TRPV3: variants seen among roughly 807,000 people sequenced by gnomAD.
TRPV3 encodes VRL-3.
A neutral mutation model predicts 87.1 loss-of-function variants in TRPV3; 88 were observed. The observed-to-expected ratio is 1.01, with a 90% confidence interval of 0.85 to 1.21. The LOEUF is 1.21. TRPV3 is among the 50% of genes most tolerant of loss of function. The probability of loss-of-function intolerance (pLI) is 0.00; values close to 1 mark genes in which losing one functional copy is unlikely to be tolerated. For missense variants in TRPV3, 1,054 were observed against 1,030.1 expected (o/e 1.02, Z -0.32); for synonymous variants, 438 against 423.3 (o/e 1.03, Z -0.43).
intron 9 of TRPV3, among the ~76,000 whole-genome samples, chr17:3,529,451 ACT>A (rs1406271674): frequency 1.3e-5 from 2 of 151,916 alleles, no homozygotes; most frequent in Admixed American, 6.6e-5. Flanking sequence ...GGGAAGCATG[ACT>A]CTTAGTAAAG....
intron 6 of TRPV3, among the ~76,000 whole-genome samples, chr17:3,539,313 A>G (rs922536544): frequency 5.9e-5 from 9 of 152,070 alleles, no homozygotes; most frequent in African/African-American, 2.2e-4. Context: ...AAAAAAAAGT[A>G]TGTAAAATGC....
At position 3,524,249 on chromosome 17, in the gene TRPV3, G is replaced by C. The variant is rs1400133002; in HGVS notation, c.1692C>G (p.Tyr564Ter). Residue 564 changes from tyrosine (Y) to a stop codon, truncating the protein, a stop_gained, in exon 13 of 18, where the codon TAC becomes TAG. Coordinates refer to ENST00000576742, the MANE Select transcript of TRPV3 (RefSeq NM_145068.4). LOFTEE classifies it high-confidence loss of function. ...AMALGWANML[Y>*]YTRGFQSMGM... ...CCATGGACTGGAAACCCCGCGTATA[G>C]TAGAGCATGTTCGCCCAGCCCAGGG... is the stretch of plus-strand genomic sequence containing the variant. The C allele has an allele frequency of 1.2e-6, 2 of 1,614,258 alleles. No homozygotes were observed. Among genetic ancestry groups the C allele is most frequent in the Non-Finnish European group, 1.7e-6 (2 of 1,180,042 alleles).
rs767689187 is a variant in TRPV3, at chr17:3,530,191, T to G, written c.1078A>C (p.Ile360Leu). The change falls in exon 9 of 18, where the codon ATC becomes CTC. Residue 360 changes from isoleucine to leucine, a missense_variant. Coordinates refer to ENST00000576742, the MANE Select transcript of TRPV3 (RefSeq NM_145068.4). The surrounding 1 kb of genome is among the most constrained non-coding windows in gnomAD (Gnocchi z 4.0). ...KMGKAEILKYILSREIKEKRL... is the reference protein window; with the variant it reads ...KMGKAEILKYLLSREIKEKRL... The stretch of plus-strand genomic sequence containing the variant: ...TTCTCCTTGATCTCACGACTGAGGA[T>G]GTACTTCAGGATCTGGGACAGGAGG... 1.2e-6 allele frequency: 2 copies of G among 1,612,334 alleles called. No individual in the cohort carries two copies. The highest frequency in any genetic ancestry group is 3.3e-5 in the Admixed American group (2 of 59,900).
chr17:3,520,818 T>C (rs1480219741), intron 14 of TRPV3, among the ~76,000 whole-genome samples, 155 bp downstream of exon 14: 1 of 152,126 alleles, frequency 6.6e-6, no homozygotes, highest in African/African-American at 2.4e-5. Context: ...TATATGTATA[T>C]ATATAAAGGT....
intron 12 of TRPV3, 95 bp downstream of exon 12, chr17:3,526,759 A>G: frequency 1.0e-6 from 1 of 970,808 alleles, no homozygotes; most frequent in South Asian, 1.4e-5. Flanking sequence ...ACCGTGGCAC[A>G]GTAGGATATT....
chr17:3,537,730 C>T (rs1002290148), intron 6 of TRPV3, among the ~76,000 whole-genome samples: 7 of 146,898 alleles, frequency 4.8e-5, no homozygotes, highest in Non-Finnish European at 1.0e-4. Flanking sequence ...ATGGAGAAAC[C>T]CCATCTCTAC....
Position 3,530,763 on chromosome 17 carries a change from TC to T in TRPV3, c.1066-561del, listed in dbSNP as rs1029603745. Among the ~76,000 whole-genome samples, 7 of 152,010 alleles carry T rather than the reference TC, an allele frequency of 4.6e-5. No individual in the cohort carries two copies. Among genetic ancestry groups the T allele is most frequent in the African/African-American group, 1.5e-4 (6 of 41,378 alleles). On this transcript the variant is annotated intron_variant, in intron 8 of 17. Coordinates refer to ENST00000576742, the MANE Select transcript of TRPV3 (RefSeq NM_145068.4). The surrounding 1 kb of genome is among the most constrained non-coding windows in gnomAD (Gnocchi z 4.0). The stretch of plus-strand genomic sequence containing the variant: ...TAGGGCTGCTGGGAAACTTAGAAAT[TC>T]CCACAGCATGGCCAGGTGCAGTAGC...
At chr17:3,546,971 A>AAAAAAAAAAAAAAC (rs1465437779) in intron 2 of TRPV3, among the ~76,000 whole-genome samples, 1 of 151,670 alleles carries the variant, frequency 6.6e-6, no homozygotes, top group African/African-American at 2.4e-5. Flanking sequence ...CCTTCTCAAA[A>AAAAAAAAAAAAAAC]AAAAAAAACT....
At chr17:3,525,058 C>A (rs528867063) in intron 12 of TRPV3, among the ~76,000 whole-genome samples, 1 of 152,180 alleles carries the variant, frequency 6.6e-6, no homozygotes, top group Non-Finnish European at 1.5e-5. Flanking sequence ...CTTGCTCTGT[C>A]ACCTAGGCTG....
intron 16 of TRPV3, 68 bp from the exon 17 acceptor site, chr17:3,514,740 G>C: frequency 8.0e-7 from 1 of 1,250,544 alleles, no homozygotes; most frequent in Non-Finnish European, 1.2e-6. Context: ...ATAGCCCTGC[G>C]TTTGGGACGT....
At chr17:3,517,619 CAAA>C (rs34610978) in intron 15 of TRPV3, among the ~76,000 whole-genome samples, 3 of 65,348 alleles carry the variant, frequency 4.6e-5, no homozygotes, top group African/African-American at 6.8e-5. Context: ...GACCCTGTCT[CAAA>C]AAAAAAAAAA....
chr17:3,545,073 G>A (rs2074511038), intron 3 of TRPV3, 94 bp downstream of exon 3: 2 of 774,386 alleles, frequency 2.6e-6, no homozygotes, highest in Non-Finnish European at 4.4e-6. Context: ...GCCACAGCCA[G>A]GCCTGGCCCC....
chr17:3,539,066 T>C (rs569050293), intron 6 of TRPV3, among the ~76,000 whole-genome samples: 6 of 152,272 alleles, frequency 3.9e-5, no homozygotes, highest in African/African-American at 1.2e-4. Context: ...TTAGCCAAGG[T>C]GCAGCCGCAA....
In TRPV3 at chr17:3,511,515, T is replaced by C. The variant is rs1022100363; in HGVS notation, c.*2402A>G. On this transcript the variant is annotated 3_prime_UTR_variant, in exon 18 of 18. Coordinates refer to ENST00000576742, the MANE Select transcript of TRPV3 (RefSeq NM_145068.4). The stretch of plus-strand genomic sequence containing the variant: ...ATGAAGGAAGTGCTCCTTTTCACTC[T>C]GATGCTTCTTGACTTATGGCTTCCC... The C allele has an allele frequency of 1.3e-5, 2 of 152,246 alleles. No homozygotes were observed. The highest frequency in any genetic ancestry group is 2.4e-5 in the African/African-American group (1 of 41,466). The allele number at this position is 152,246 out of a possible 1,614,324, so 9.4% of individuals were successfully genotyped here. A position where few individuals can be genotyped will look rare whatever the true frequency, so the allele number is the denominator to read the frequency against.
intron 6 of TRPV3, among the ~76,000 whole-genome samples, chr17:3,540,164 G>A (rs2074445642): frequency 6.6e-6 from 1 of 152,170 alleles, no homozygotes; most frequent in African/African-American, 2.4e-5. Context: ...TGAAGATAGG[G>A]TGACAGAAAG....
At chr17:3,548,079 C>T (rs574346889) in intron 2 of TRPV3, among the ~76,000 whole-genome samples, 2 of 152,306 alleles carry the variant, frequency 1.3e-5, no homozygotes, top group South Asian at 4.1e-4. Context: ...TGTGGCCTGG[C>T]CAGGGACTGT....
chr17:3,541,846 A>C (rs569330581), intron 6 of TRPV3, among the ~76,000 whole-genome samples: 4 of 152,316 alleles, frequency 2.6e-5, no homozygotes, highest in African/African-American at 7.2e-5. Flanking sequence ...GCCCTCCCCC[A>C]GTCACTTTCT....
chr17:3,555,931 C>T (rs1173783118), intron 1 of TRPV3, among the ~76,000 whole-genome samples: 1 of 152,174 alleles, frequency 6.6e-6, no homozygotes, highest in African/African-American at 2.4e-5. Flanking sequence ...AATCCCAGCA[C>T]TTTGGGAGGC....
At chr17:3,525,804 T>A (rs2074294939) in intron 12 of TRPV3, among the ~76,000 whole-genome samples, 1 of 151,966 alleles carries the variant, frequency 6.6e-6, no homozygotes, top group Non-Finnish European at 1.5e-5. Flanking sequence ...GTATTTTTTG[T>A]AGAGAGAGGG....
Sources: gnomAD v4.1 joint callset for allele counts (sites outside exome capture counted in the v4.1 genomes callset) on GRCh38, gnomAD v4.1.1 for gene constraint, Gnocchi (gnomAD v3.1) non-coding constraint, MANE v1.5 for transcripts, NCBI Gene and HGNC (gene_info 2026-07-23, HGNC 2026-07-21) for gene names.